TEX9: variants seen among roughly 807,000 people sequenced by gnomAD.
TEX9 encodes the protein testis expressed 9, also known as testis-expressed protein 9.
A neutral mutation model predicts 59.6 loss-of-function variants in TEX9; 74 were observed. That is an observed-to-expected ratio of 1.24 (90% CI 1.03 to 1.51). TEX9 has a LOEUF of 1.51. Ranked by LOEUF, TEX9 falls within the 40% of genes most tolerant of loss-of-function variation. TEX9 has a pLI of 0.00. For synonymous variants in TEX9, 186 were observed against 152.2 expected (o/e 1.22, Z -1.64); for missense variants, 522 against 447.8 (o/e 1.17, Z -1.49).
the TEX9 span, among the ~76,000 whole-genome samples, chr15:56,457,756 A>C: frequency 6.6e-6 from 1 of 151,924 alleles, no homozygotes; most frequent in Non-Finnish European, 1.5e-5. Context: ...TCAAGGCTGC[A>C]GTAAGTCATG....
At chr15:56,439,520 C>T (rs2050783671) in intron 12 of TEX9, among the ~76,000 whole-genome samples, 1 of 151,704 alleles carries the variant, frequency 6.6e-6, no homozygotes, top group African/African-American at 2.4e-5. Flanking sequence ...GGGATGGATA[C>T]ATAGACCAAC....
chr15:56,322,569 T>A (rs1016834694), intron 1 of TEX9, among the ~76,000 whole-genome samples: 4 of 152,140 alleles, frequency 2.6e-5, no homozygotes, highest in Non-Finnish European at 5.9e-5. Context: ...CTTACAGAGA[T>A]GTTGTAGTAC....
intron 4 of TEX9, among the ~76,000 whole-genome samples, chr15:56,386,829 CTGTT>C (rs1246250364): frequency 3.3e-5 from 5 of 151,662 alleles, no homozygotes. Context: ...TTTAATGCAA[CTGTT>C]TGAACAGATG....
intron 1 of TEX9, among the ~76,000 whole-genome samples, chr15:56,326,466 A>C (rs1175413515): frequency 1.1e-4 from 16 of 152,172 alleles, no homozygotes; most frequent in African/African-American, 3.6e-4. Flanking sequence ...ATTTTTAAAC[A>C]TCCACGTTTT....
chr15:56,275,168 G>T lies in TEX9; in HGVS notation c.-107+30890G>T, dbSNP rs973222587. ...TTTCTAATGGTCTAGATCCAGAATG[G>T]TTTTGTGGCTCCTCCCCCAACGGTT... is the stretch of plus-strand genomic sequence containing the variant. On this transcript the variant is annotated intron_variant, in intron 1 of 5. Coordinates refer to the TEX9 transcript ENST00000560827. Among the ~76,000 whole-genome samples the T allele has an allele frequency of 1.2e-4, 18 of 152,134 alleles. 1 individual carries two copies. The highest frequency in any genetic ancestry group is 6.5e-5 in the Admixed American group (1 of 15,276).
At chr15:56,388,809 G>A (rs1256049286) in intron 5 of TEX9, among the ~76,000 whole-genome samples, 1 of 151,940 alleles carries the variant, frequency 6.6e-6, no homozygotes, top group Non-Finnish European at 1.5e-5. Context: ...ATCTAGTAGA[G>A]AGAAGACTTG....
At position 56,311,300 on chromosome 15, in the gene TEX9, C is replaced by G. The variant is rs1209278476; in HGVS notation, c.-106-62141C>G. Among the ~76,000 whole-genome samples the G allele has an allele frequency of 4.3e-5, 5 of 116,872 alleles. No individual in the cohort carries two copies. The Admixed American group carries it at 4.4e-4, about 10-fold the overall frequency. The allele number at this position is 116,872 out of a possible 152,430, so 76.7% of individuals were successfully genotyped here. Reference sequence around the variant, plus strand: ...CAATGCTATCCCTCCCCCCTCCCCCCACCCCACAACAGTCCCCAGAGTGTG... The same window carrying G: ...CAATGCTATCCCTCCCCCCTCCCCCGACCCCACAACAGTCCCCAGAGTGTG... On this transcript the variant is annotated intron_variant, in intron 1 of 5. Transcript: ENST00000560827.
chr15:56,423,446 A>G (rs976654252), intron 10 of TEX9, among the ~76,000 whole-genome samples: 50 of 152,176 alleles, frequency 3.3e-4, no homozygotes, highest in African/African-American at 1.0e-3. Flanking sequence ...TATACTTTGT[A>G]TGACTTATAA....
At chr15:56,354,484 G>T (rs2046648797) in intron 1 of TEX9, among the ~76,000 whole-genome samples, 1 of 152,080 alleles carries the variant, frequency 6.6e-6, no homozygotes, top group Non-Finnish European at 1.5e-5. Flanking sequence ...TCAAAAGAAT[G>T]TTGTGTTAGT....
chr15:56,272,436 A>G (rs559530417), intron 1 of TEX9, among the ~76,000 whole-genome samples: 23 of 152,300 alleles, frequency 1.5e-4, no homozygotes, highest in African/African-American at 5.5e-4. Flanking sequence ...TGTAGCATGT[A>G]TCATTCTTTT....
At chr15:56,396,009 G>C (rs1485438396) in intron 9 of TEX9, 1 of 152,028 alleles carries the variant, frequency 6.6e-6, no homozygotes, top group African/African-American at 2.4e-5. Flanking sequence ...TTGGTTTCCT[G>C]TGCTTTTGGT....
chr15:56,358,873 C>T (rs56775211), intron 1 of TEX9, among the ~76,000 whole-genome samples: 4,386 of 152,160 alleles, frequency 0.029, 236 homozygotes, highest in African/African-American at 0.099. Flanking sequence ...GACATTTCCT[C>T]TTTCACGTAC....
chr15:56,306,280 G>GAAAAAAAAAAAAAAAAAAA (rs2045484308), intron 1 of TEX9, among the ~76,000 whole-genome samples: 1 of 72,018 alleles, frequency 1.4e-5, no homozygotes, highest in Non-Finnish European at 3.2e-5. Context: ...AAAAAAAAAG[G>GAAAAAAAAAAAAAAAAAAA]AAATCAGTGT....
At chr15:56,316,849 G>T (rs2045781276) in intron 1 of TEX9, among the ~76,000 whole-genome samples, 1 of 152,200 alleles carries the variant, frequency 6.6e-6, no homozygotes, top group Non-Finnish European at 1.5e-5. Flanking sequence ...ATATAATCTC[G>T]TGGTGCATCG....
chr15:56,338,608 C>T (rs1426439310), intron 1 of TEX9, among the ~76,000 whole-genome samples: 4 of 152,030 alleles, frequency 2.6e-5, no homozygotes, highest in Non-Finnish European at 5.9e-5. Context: ...TCAGCAAGCC[C>T]CAGACCACTG....
At chr15:56,431,309 A>G (rs2050588232) in intron 12 of TEX9, 1 of 1,571,102 alleles carries the variant, frequency 6.4e-7, no homozygotes, top group Admixed American at 1.9e-5. Flanking sequence ...CTAAAATCCA[A>G]ATACCATGTT....
intron 1 of TEX9, among the ~76,000 whole-genome samples, chr15:56,316,294 C>T (rs371381315): frequency 6.6e-6 from 1 of 151,912 alleles, no homozygotes; most frequent in Non-Finnish European, 1.5e-5. Flanking sequence ...ATCTACTTTT[C>T]GTCTTTGATG....
chr15:56,301,438 G>C (rs1188205505), intron 1 of TEX9, among the ~76,000 whole-genome samples: 1 of 151,860 alleles, frequency 6.6e-6, no homozygotes, highest in Non-Finnish European at 1.5e-5. Flanking sequence ...AGTATAAGAA[G>C]GTTATACAAC....
At chr15:56,440,538 A>G (rs1429993744) in intron 12 of TEX9, among the ~76,000 whole-genome samples, 3 of 152,194 alleles carry the variant, frequency 2.0e-5, no homozygotes, top group African/African-American at 7.2e-5. Flanking sequence ...AGATTTACTC[A>G]TCAGAGCTAA....
Sources: gnomAD v4.1 joint callset for allele counts (sites outside exome capture counted in the v4.1 genomes callset) on GRCh38, gnomAD v4.1.1 for gene constraint, MANE v1.5 for transcripts, NCBI Gene and HGNC (gene_info 2026-07-23, HGNC 2026-07-21) for gene names.